Variants in TMPRSS11F observed in about 807,000 individuals in gnomAD.
TMPRSS11F encodes the protein transmembrane protease serine 11F.
TMPRSS11F carries 47 observed loss-of-function variants against 60.2 expected under a neutral mutation model. The observed-to-expected ratio is 0.78, with a 90% CI of 0.62 to 1.00. The LOEUF (loss-of-function observed/expected upper bound fraction) is 1.00. Among genes scored for constraint, TMPRSS11F ranks in the 50% least tolerant of loss-of-function variants. The probability of loss-of-function intolerance (pLI) is 0.00; values close to 1 mark genes in which losing one functional copy is unlikely to be tolerated. For synonymous variants in TMPRSS11F, 166 were observed against 167.3 expected, an observed-to-expected ratio of 0.99 and a Z score of 0.06; for missense variants, 519 against 522.9, an observed-to-expected ratio of 0.99 and a Z score of 0.07.
chr4:68,126,344 T>C (rs1273502630), intron 1 of TMPRSS11F, among the ~76,000 whole-genome samples: 3 of 152,184 alleles, frequency 2.0e-5, no homozygotes, highest in Admixed American at 1.3e-4. Context: ...AAATGAAACT[T>C]TAAAATCTAG....
chr4:68,064,574 C>T, intron 8 of TMPRSS11F, 111 bp downstream of exon 8: 1 of 1,282,426 alleles, frequency 7.8e-7, no homozygotes, highest in Non-Finnish European at 1.1e-6. Context: ...GCCACACATA[C>T]TGGAAAGACC....
intron 1 of TMPRSS11F, among the ~76,000 whole-genome samples, chr4:68,128,610 G>A (rs760742467): frequency 1.3e-5 from 2 of 152,008 alleles, no homozygotes; most frequent in Non-Finnish European, 2.9e-5. Flanking sequence ...GAAGAATTCT[G>A]AAATAAATTA....
At chr4:68,125,578 TAATAAATA>T (rs1381009990) in intron 1 of TMPRSS11F, among the ~76,000 whole-genome samples, 2 of 152,186 alleles carry the variant, frequency 1.3e-5, no homozygotes, top group Non-Finnish European at 2.9e-5. Flanking sequence ...CTGTGCTTCA[TAATAAATA>T]ATGAACCCTT....
chr4:68,124,485 G>A (rs1054153254), intron 1 of TMPRSS11F, among the ~76,000 whole-genome samples: 44 of 152,272 alleles, frequency 2.9e-4, no homozygotes, highest in East Asian at 9.7e-4. Context: ...AGCAAAACCC[G>A]GGCGACCAAG....
chr4:68,107,270 C>T (rs886712138), intron 1 of TMPRSS11F, among the ~76,000 whole-genome samples: 1 of 152,108 alleles, frequency 6.6e-6, no homozygotes, highest in African/African-American at 2.4e-5. Context: ...TATGGCCGTA[C>T]TAAGGATATA....
chr4:68,084,724 A>T (rs540211177), intron 3 of TMPRSS11F, among the ~76,000 whole-genome samples: 21 of 148,416 alleles, frequency 1.4e-4, no homozygotes, highest in Middle Eastern at 3.5e-3. Context: ...TTATTTATTT[A>T]TTTTTTTATG....
At chr4:68,122,803 C>A (rs1253265212) in intron 1 of TMPRSS11F, among the ~76,000 whole-genome samples, 1 of 152,270 alleles carries the variant, frequency 6.6e-6, no homozygotes, top group African/African-American at 2.4e-5. Context: ...TAGACATATG[C>A]ACATTAATGC....
intron 1 of TMPRSS11F, among the ~76,000 whole-genome samples, chr4:68,113,560 G>T (rs2109882621): frequency 6.6e-6 from 1 of 152,112 alleles, no homozygotes; most frequent in East Asian, 1.9e-4. Context: ...ATTATAAAAG[G>T]GTCAATTCAT....
intron 1 of TMPRSS11F, among the ~76,000 whole-genome samples, chr4:68,116,124 A>G (rs760531460): frequency 6.6e-6 from 1 of 152,160 alleles, no homozygotes; most frequent in African/African-American, 2.4e-5. Flanking sequence ...TAGAAAATAC[A>G]GAAGAAAATA....
intron 1 of TMPRSS11F, among the ~76,000 whole-genome samples, chr4:68,113,791 C>T (rs1202628584): frequency 6.6e-6 from 1 of 152,094 alleles, no homozygotes; most frequent in African/African-American, 2.4e-5. Context: ...ACCTAGTTGA[C>T]ATTTATAGAA....
At chr4:68,083,910 G>C (rs1477118869) in intron 3 of TMPRSS11F, among the ~76,000 whole-genome samples, 1 of 152,120 alleles carries the variant, frequency 6.6e-6, no homozygotes, top group Non-Finnish European at 1.5e-5. Flanking sequence ...GGAGAAAGTT[G>C]AAATCCAATC....
At chr4:68,062,243 C>T (rs1365325502) in intron 8 of TMPRSS11F, 4 of 412,422 alleles carry the variant, frequency 9.7e-6, no homozygotes, top group South Asian at 5.4e-5. Context: ...AAATTACCGG[C>T]TCTTTTGCTA....
rs1723534305 is a variant in TMPRSS11F at position 68,073,990 on chromosome 4, T to G, written c.302A>C (p.His101Pro). ...IERMMSRIFR[H>P]SSVGGRFIKS... ...GATAAATCGACCGCCTACAGAAGAATGTCGAAATATCCTAGACATCTGATT... is the reference window on the plus strand; with the variant it reads ...GATAAATCGACCGCCTACAGAAGAAGGTCGAAATATCCTAGACATCTGATT... Residue 101 changes from histidine (H) to proline (P), a missense_variant, in exon 4 of 10, where the codon CAT becomes CCT. Coordinates refer to ENST00000356291, the MANE Select transcript of TMPRSS11F (RefSeq NM_207407.2). The G allele has an allele frequency of 6.3e-7, 1 of 1,582,188 alleles. No homozygotes were observed. Among genetic ancestry groups the G allele is most frequent in the South Asian group, 1.2e-5 (1 of 84,964 alleles).
intron 8 of TMPRSS11F, chr4:68,063,395 T>C: frequency 2.6e-6 from 1 of 381,464 alleles, no homozygotes; most frequent in South Asian, 2.1e-5. Context: ...TTGTTTGTTT[T>C]GAGATGGAGT....
intron 8 of TMPRSS11F, among the ~76,000 whole-genome samples, chr4:68,064,188 T>G (rs906086534): frequency 4.0e-5 from 6 of 150,550 alleles, no homozygotes; most frequent in African/African-American, 1.2e-4. Context: ...TTCTTTTTTT[T>G]CTTTTTTTTT....
At chr4:68,091,943 C>T (rs954781345) in intron 2 of TMPRSS11F, among the ~76,000 whole-genome samples, 5 of 151,854 alleles carry the variant, frequency 3.3e-5, no homozygotes, top group Non-Finnish European at 5.9e-5. Flanking sequence ...GACGCCACTA[C>T]ACCCGACTAA....
intron 1 of TMPRSS11F, among the ~76,000 whole-genome samples, chr4:68,128,716 T>C (rs12641295): frequency 0.28 from 42,740 of 152,006 alleles, 6,110 homozygotes; most frequent in East Asian, 0.49. Flanking sequence ...TTTTTTCTAC[T>C]GTACGTTTTG....
At chr4:68,066,851 G>A (rs770617916) in intron 7 of TMPRSS11F, among the ~76,000 whole-genome samples, 33 of 151,162 alleles carry the variant, frequency 2.2e-4, no homozygotes, top group Non-Finnish European at 3.8e-4. Context: ...GGAGAATGGC[G>A]TGAACCCGGG....
intron 7 of TMPRSS11F, among the ~76,000 whole-genome samples, chr4:68,065,243 T>C (rs1211029726): frequency 6.6e-6 from 1 of 152,208 alleles, no homozygotes; most frequent in African/African-American, 2.4e-5. Flanking sequence ...TTGATTTGTT[T>C]TGGATAATAT....
Sources: allele counts gnomAD v4.1 joint callset (sites outside exome capture counted in the v4.1 genomes callset), GRCh38; gene constraint gnomAD v4.1.1; transcripts MANE v1.5; gene names NCBI Gene and HGNC (gene_info 2026-07-23, HGNC 2026-07-21).